The following MEOX2 variants were observed in gnomAD, a reference collection of about 807,000 sequenced individuals.
MEOX2 encodes the protein mesenchyme homeobox 2.
In MEOX2, 11 loss-of-function variants were observed where a neutral mutation model predicts 27.0. The ratio of observed to expected loss-of-function variants is 0.41; its 90% CI spans 0.26 to 0.68. The LOEUF (loss-of-function observed/expected upper bound fraction) is 0.68, where lower values mean the gene tolerates loss of function less well. Among genes scored for constraint, MEOX2 ranks in the 30% least tolerant of loss-of-function variants. The pLI is 0.33. For missense variants in MEOX2, 436 were observed against 385.4 expected, an observed-to-expected ratio of 1.13 and a Z score of -1.10; for synonymous variants, 189 against 155.4, an observed-to-expected ratio of 1.22 and a Z score of -1.61.
intron 1 of MEOX2, chr7:15,668,075 T>G (rs1394544969): frequency 6.6e-6 from 1 of 152,222 alleles, no homozygotes; most frequent in Non-Finnish European, 1.5e-5. Context: ...ATGTGGAAAC[T>G]ACCTATTTCT....
At chr7:15,665,367 A>T (rs1182106620) in intron 1 of MEOX2, among the ~76,000 whole-genome samples, 1 of 152,214 alleles carries the variant, frequency 6.6e-6, no homozygotes, top group Non-Finnish European at 1.5e-5. Context: ...AAGCAAAAAG[A>T]GATTAATTTC....
intron 1 of MEOX2, among the ~76,000 whole-genome samples, chr7:15,627,795 T>C (rs1781337997): frequency 2.4e-5 from 1 of 41,094 alleles, no homozygotes; most frequent in South Asian, 4.8e-4. Context: ...AAGCAGAACG[T>C]GAATCAATAG....
chr7:15,634,185 T>C (rs143832608), intron 1 of MEOX2, among the ~76,000 whole-genome samples: 1 of 152,064 alleles, frequency 6.6e-6, no homozygotes, highest in East Asian at 1.9e-4. Context: ...TGCCCAGAGA[T>C]TATAGTTCTG....
intron 1 of MEOX2, among the ~76,000 whole-genome samples, chr7:15,674,659 T>A (rs1335800990): frequency 6.6e-6 from 1 of 152,036 alleles, no homozygotes; most frequent in Non-Finnish European, 1.5e-5. Context: ...ATTTTTGATA[T>A]TTAATTCTGT....
chr7:15,679,616 G>C (rs1302237007), intron 1 of MEOX2: 1 of 151,844 alleles, frequency 6.6e-6, no homozygotes, highest in Admixed American at 6.6e-5. Flanking sequence ...TGTTATATTT[G>C]CAATAAAAGT....
At chr7:15,654,610 G>A (rs1306211115) in intron 1 of MEOX2, among the ~76,000 whole-genome samples, 1 of 151,760 alleles carries the variant, frequency 6.6e-6, no homozygotes, top group African/African-American at 2.4e-5. Context: ...TATGGTAAAT[G>A]CATCTTGAAA....
At chr7:15,657,277 G>A (rs781775737) in intron 1 of MEOX2, among the ~76,000 whole-genome samples, 8 of 151,974 alleles carry the variant, frequency 5.3e-5, no homozygotes, top group Non-Finnish European at 1.0e-4. Context: ...CAATTTCTCT[G>A]TCAGTTTCAC....
At chr7:15,662,777 A>T (rs921318669) in intron 1 of MEOX2, among the ~76,000 whole-genome samples, 14 of 152,166 alleles carry the variant, frequency 9.2e-5, no homozygotes, top group African/African-American at 3.4e-4. Flanking sequence ...TTTCGTACTG[A>T]GATTTATAAA....
intron 1 of MEOX2, among the ~76,000 whole-genome samples, chr7:15,667,153 T>C (rs1782020985): frequency 6.6e-6 from 1 of 150,926 alleles, no homozygotes; most frequent in Non-Finnish European, 1.5e-5. Context: ...TAGCTGGGTG[T>C]GGTGGCACAC....
intron 1 of MEOX2, among the ~76,000 whole-genome samples, chr7:15,662,689 G>GC (rs1218745081): frequency 1.3e-5 from 2 of 152,020 alleles, no homozygotes; most frequent in African/African-American, 4.8e-5. Flanking sequence ...AATGGAGCAG[G>GC]CCCCCATTCC....
At chr7:15,655,847 A>G (rs1410612290) in intron 1 of MEOX2, among the ~76,000 whole-genome samples, 2 of 151,892 alleles carry the variant, frequency 1.3e-5, no homozygotes, top group East Asian at 3.9e-4. Context: ...AGAATATTCT[A>G]TACATGTCCA....
chr7:15,615,491 C>A (rs896403703), intron 2 of MEOX2, among the ~76,000 whole-genome samples: 2 of 151,866 alleles, frequency 1.3e-5, no homozygotes, highest in Admixed American at 6.6e-5. Flanking sequence ...TCAGGTAATT[C>A]TCCCACTTGA....
At position 15,648,087 on chromosome 7, in the gene MEOX2, T is replaced by G. The variant is rs546240180; in HGVS notation, c.518-21169A>C. On this transcript the variant is annotated intron_variant, in intron 1 of 2. Coordinates refer to ENST00000262041, the MANE Select transcript of MEOX2 (RefSeq NM_005924.5). The stretch of plus-strand genomic sequence containing the variant: ...GATAGTCCCATAGCATGCAAATACG[T>G]CCTTAATGACATATATTTTTAATTA... Among the ~76,000 whole-genome samples, 4 of 152,138 alleles carry G rather than the reference T, an allele frequency of 2.6e-5. No individual in the cohort carries two copies. The South Asian group carries it at 8.3e-4, about 32-fold the overall frequency.
chr7:15,611,908 A>C lies in MEOX2; in HGVS notation c.*479T>G, dbSNP rs1583730937. The C allele has an allele frequency of 1.2e-5, 2 of 162,308 alleles. No homozygotes were observed. The highest frequency in any genetic ancestry group is 3.2e-3 in the Middle Eastern group (1 of 308). 10.1% of individuals were successfully genotyped at this position (162,308 alleles called of 1,614,324 possible). A position where few individuals can be genotyped will look rare whatever the true frequency, so the allele number is the denominator to read the frequency against. On this transcript the variant is annotated 3_prime_UTR_variant, in exon 3 of 3. Transcript: ENST00000262041. Reference sequence around the variant, plus strand: ...TCAGGCACTGTGGCTGTTCAGGATAAAATGTTTCATGGTTTATTCTTGATA... The same window carrying C: ...TCAGGCACTGTGGCTGTTCAGGATACAATGTTTCATGGTTTATTCTTGATA...
intron 2 of MEOX2, among the ~76,000 whole-genome samples, chr7:15,612,878 T>C (rs1340734807): frequency 1.4e-4 from 22 of 152,316 alleles, no homozygotes; most frequent in Admixed American, 1.4e-3. Context: ...AAACAAAAAC[T>C]TTGTCATTTA....
At chr7:15,628,575 C>T (rs1449961833) in intron 1 of MEOX2, among the ~76,000 whole-genome samples, 1 of 152,072 alleles carries the variant, frequency 6.6e-6, no homozygotes, top group African/African-American at 2.4e-5. Flanking sequence ...TTATCCAGCA[C>T]CAAAGTAGTT....
At chr7:15,669,236 A>G (rs934257377) in intron 1 of MEOX2, among the ~76,000 whole-genome samples, 1 of 152,308 alleles carries the variant, frequency 6.6e-6, no homozygotes, top group Non-Finnish European at 1.5e-5. Context: ...TTTACTACAA[A>G]TTGTATTTGG....
chr7:15,669,639 C>A (rs553334587), intron 1 of MEOX2, among the ~76,000 whole-genome samples: 1 of 152,342 alleles, frequency 6.6e-6, no homozygotes, highest in South Asian at 2.1e-4. Context: ...ATGGCCACGG[C>A]CAAACAGGCC....
chr7:15,645,803 A>G (rs1781637344), intron 1 of MEOX2, among the ~76,000 whole-genome samples: 1 of 152,164 alleles, frequency 6.6e-6, no homozygotes, highest in Non-Finnish European at 1.5e-5. Context: ...CAGAAGGGAA[A>G]TGATCACGGA....
Sources: allele counts gnomAD v4.1 joint callset (sites outside exome capture counted in the v4.1 genomes callset), GRCh38; gene constraint gnomAD v4.1.1; transcripts MANE v1.5; gene names NCBI Gene and HGNC (gene_info 2026-07-23, HGNC 2026-07-21).